The following GALNT13 variants were observed in gnomAD, a reference collection of about 807,000 sequenced individuals.
GALNT13 encodes polypeptide N-acetylgalactosaminyltransferase 13.
In GALNT13, 28 loss-of-function variants were observed where a neutral mutation model predicts 64.2. The observed-to-expected ratio is 0.44, with a 90% CI of 0.32 to 0.60. The LOEUF (loss-of-function observed/expected upper bound fraction) is 0.60, where lower values mean the gene tolerates loss of function less well. Among genes scored for constraint, GALNT13 ranks in the 20% least tolerant of loss-of-function variants. GALNT13 has a pLI of 0.05. For synonymous variants in GALNT13, 214 were observed against 224.6 expected (o/e 0.95, Z 0.42); for missense variants, 577 against 669.8 (o/e 0.86, Z 1.53).
At chr2:154,114,979 G>A (rs1703202551) in intron 3 of GALNT13, among the ~76,000 whole-genome samples, 2 of 152,186 alleles carry the variant, frequency 1.3e-5, no homozygotes, top group South Asian at 4.1e-4. Flanking sequence ...AGTGACTGTG[G>A]TTCCCACCGT....
At chr2:153,710,331 G>A in the GALNT13 span, among the ~76,000 whole-genome samples, 2 of 152,046 alleles carry the variant, frequency 1.3e-5, no homozygotes, top group Non-Finnish European at 2.9e-5. Flanking sequence ...TCCATTAGCT[G>A]TCAAAGAGAT....
intron 11 of GALNT13, among the ~76,000 whole-genome samples, chr2:154,419,230 G>A (rs1246521423): frequency 6.6e-6 from 1 of 152,088 alleles, no homozygotes; most frequent in Non-Finnish European, 1.5e-5. Flanking sequence ...ATAAAAACTT[G>A]TAGGAACTTG....
At chr2:153,172,732 A>G in the GALNT13 span, among the ~76,000 whole-genome samples, 1 of 152,212 alleles carries the variant, frequency 6.6e-6, no homozygotes, top group Non-Finnish European at 1.5e-5. Context: ...TTTTCTTCCC[A>G]TGCCAACAAA....
chr2:153,441,692 T>A, the GALNT13 span, among the ~76,000 whole-genome samples: 2 of 152,186 alleles, frequency 1.3e-5, no homozygotes, highest in African/African-American at 4.8e-5. Context: ...CCTAGGTATT[T>A]TATTCTCTTT....
chr2:153,884,854 TATACACACACAC>T lies in GALNT13; in HGVS notation c.-177+12553_-177+12564del, dbSNP rs1179377863. Among the ~76,000 whole-genome samples the T allele has an allele frequency of 8.7e-4, 70 of 80,268 alleles. 1 individual carries two copies. The East Asian group carries it at 0.015, about 18-fold the overall frequency. The allele number at this position is 80,268 out of a possible 152,430, so 52.7% of individuals were successfully genotyped here. A position where few individuals can be genotyped will look rare whatever the true frequency, so the allele number is the denominator to read the frequency against. ...GTGTGTGTGTGTGTGTATATATGTA[TATACACACACAC>T]ACACACACACACACACACATTTTTT... On this transcript the variant is annotated intron_variant, in intron 1 of 12. Coordinates refer to ENST00000392825, the MANE Select transcript of GALNT13 (RefSeq NM_052917.4).
the GALNT13 span, among the ~76,000 whole-genome samples, chr2:153,109,391 C>G: frequency 0.5 from 76,165 of 151,914 alleles, 20,477 homozygotes; most frequent in South Asian, 0.64. Flanking sequence ...ACTATAATAC[C>G]TGGCCCTGAT....
At chr2:153,672,900 C>G in the GALNT13 span, among the ~76,000 whole-genome samples, 5 of 151,252 alleles carry the variant, frequency 3.3e-5, no homozygotes, top group East Asian at 4.0e-4. Flanking sequence ...CACAGAAATA[C>G]AAACTACCAT....
the GALNT13 span, among the ~76,000 whole-genome samples, chr2:153,753,921 C>A: frequency 6.6e-6 from 1 of 152,222 alleles, no homozygotes; most frequent in Non-Finnish European, 1.5e-5. Flanking sequence ...TGTAGGCAAA[C>A]TACAAGATAG....
At chr2:153,284,742 C>T in the GALNT13 span, among the ~76,000 whole-genome samples, 9 of 152,204 alleles carry the variant, frequency 5.9e-5, no homozygotes, top group South Asian at 1.7e-3. Context: ...TGCCTACATT[C>T]TCCTTTCTGG....
chr2:154,212,404 C>T (rs1402221308), intron 4 of GALNT13, among the ~76,000 whole-genome samples: 2 of 151,900 alleles, frequency 1.3e-5, no homozygotes, highest in South Asian at 2.1e-4. Flanking sequence ...CCACCACGCC[C>T]GGCTAACTTT....
chr2:153,630,803 ATATAT>A, the GALNT13 span, among the ~76,000 whole-genome samples: 877 of 17,492 alleles, frequency 0.05, 22 homozygotes, highest in East Asian at 0.085. Flanking sequence ...ATATATATAT[ATATAT>A]TTTTTTTTTT....
intron 4 of GALNT13, among the ~76,000 whole-genome samples, chr2:154,218,242 G>A (rs186481397): frequency 2.6e-5 from 4 of 152,122 alleles, no homozygotes; most frequent in African/African-American, 7.2e-5. Context: ...TTCCTCAAAG[G>A]CTTTGAACAG....
chr2:153,696,497 CAA>C, the GALNT13 span, among the ~76,000 whole-genome samples: 67 of 152,260 alleles, frequency 4.4e-4, no homozygotes, highest in African/African-American at 1.4e-3. Flanking sequence ...AATTGACACT[CAA>C]TATTAACCAT....
the GALNT13 span, among the ~76,000 whole-genome samples, chr2:153,580,218 T>A: frequency 6.6e-6 from 1 of 152,122 alleles, no homozygotes; most frequent in African/African-American, 2.4e-5. Context: ...TTCTCCAAAG[T>A]AACGAATCTT....
intron 9 of GALNT13, among the ~76,000 whole-genome samples, chr2:154,354,040 G>A (rs903602000): frequency 6.6e-6 from 1 of 152,046 alleles, no homozygotes; most frequent in South Asian, 2.1e-4. Context: ...GTGTATAAGG[G>A]TTTTCTTCTC....
At chr2:153,531,052 T>TA in the GALNT13 span, among the ~76,000 whole-genome samples, 3 of 152,112 alleles carry the variant, frequency 2.0e-5, no homozygotes, top group Admixed American at 1.3e-4. Flanking sequence ...CATATCAAGT[T>TA]AAAAAACTTC....
intron 4 of GALNT13, among the ~76,000 whole-genome samples, chr2:154,237,358 T>A (rs1300485141): frequency 6.6e-6 from 1 of 151,634 alleles, no homozygotes; most frequent in Non-Finnish European, 1.5e-5. Flanking sequence ...GAACAAATTG[T>A]CTTGTCTCAA....
intron 3 of GALNT13, among the ~76,000 whole-genome samples, chr2:153,950,229 A>G (rs1470861197): frequency 1.3e-5 from 2 of 151,918 alleles, no homozygotes; most frequent in Non-Finnish European, 2.9e-5. Flanking sequence ...TGTTATATAT[A>G]TCAAGTATAT....
Position 154,446,388 on chromosome 2 carries a change from T to C in GALNT13, c.1531-4023T>C, listed in dbSNP as rs569879692. ...AGTCTTATCTTCATTTACTCCTTCC[T>C]TATAGGGTTGATATTAAAGCCATCT... On this transcript the variant is annotated intron_variant, in intron 12 of 12. Transcript: ENST00000392825. 121 of 456,676 alleles carry C rather than the reference T, an allele frequency of 2.6e-4. 1 individual carries two copies. The Middle Eastern group carries it at 3.0e-3, about 11-fold the overall frequency. The allele number at this position is 456,676 out of a possible 1,614,324, so 28.3% of individuals were successfully genotyped here. A position where few individuals can be genotyped will look rare whatever the true frequency, so the allele number is the denominator to read the frequency against.
Sources: allele counts gnomAD v4.1 joint callset (sites outside exome capture counted in the v4.1 genomes callset), GRCh38; gene constraint gnomAD v4.1.1; transcripts MANE v1.5; gene names NCBI Gene and HGNC (gene_info 2026-07-23, HGNC 2026-07-21).